The following OPCML variants were observed in gnomAD, a reference collection of about 807,000 sequenced individuals.
OPCML encodes the protein opioid binding protein/cell adhesion molecule like.
OPCML carries 13 observed loss-of-function variants against 37.8 expected under a neutral mutation model. The observed-to-expected ratio is 0.34, with a 90% CI of 0.22 to 0.55. OPCML has a LOEUF of 0.55. OPCML is among the 20% of genes least tolerant of loss of function. The pLI, the probability that OPCML is intolerant of heterozygous loss-of-function variation, is 0.91. For synonymous variants in OPCML, 176 were observed against 168.8 expected (o/e 1.04, Z -0.33); for missense variants, 341 against 435.6 (o/e 0.78, Z 1.93).
chr11:133,146,809 C>G (rs1949904447), intron 1 of OPCML, among the ~76,000 whole-genome samples: 1 of 152,198 alleles, frequency 6.6e-6, no homozygotes, highest in Admixed American at 6.5e-5. Flanking sequence ...GGAACTCCCC[C>G]CAGCACAGGC....
At chr11:132,645,599 G>A (rs1478333496) in intron 3 of OPCML, among the ~76,000 whole-genome samples, 7 of 152,114 alleles carry the variant, frequency 4.6e-5, no homozygotes, top group Admixed American at 4.6e-4. Context: ...GAGCAAGAGA[G>A]TTACATCCAC....
intron 1 of OPCML, among the ~76,000 whole-genome samples, chr11:133,078,474 G>T (rs1948656969): frequency 6.6e-6 from 1 of 152,166 alleles, no homozygotes; most frequent in South Asian, 2.1e-4. Flanking sequence ...TGTGTAAACC[G>T]GTGACAAAGA....
chr11:133,240,427 G>A (rs1037152926), intron 1 of OPCML, among the ~76,000 whole-genome samples: 5 of 152,076 alleles, frequency 3.3e-5, no homozygotes, highest in African/African-American at 9.6e-5. Flanking sequence ...CTTATCTATT[G>A]TTCACCGCAC....
chr11:132,447,549 A>G (rs1254930468), intron 4 of OPCML, among the ~76,000 whole-genome samples: 4 of 152,012 alleles, frequency 2.6e-5, no homozygotes, highest in African/African-American at 7.2e-5. Flanking sequence ...AGCTCAGTCA[A>G]TCCACCTGCC....
intron 2 of OPCML, among the ~76,000 whole-genome samples, chr11:132,813,713 T>A (rs1019301334): frequency 6.6e-6 from 1 of 152,168 alleles, no homozygotes; most frequent in Non-Finnish European, 1.5e-5. Flanking sequence ...CCCTCATCAT[T>A]GCCTCTGTAA....
At chr11:132,706,232 A>G (rs949916291) in intron 2 of OPCML, among the ~76,000 whole-genome samples, 1 of 152,214 alleles carries the variant, frequency 6.6e-6, no homozygotes. Flanking sequence ...GCTTGTGTTT[A>G]CAGGGACCTA....
chr11:132,575,477 T>C (rs1219094161), intron 3 of OPCML, among the ~76,000 whole-genome samples: 2 of 152,094 alleles, frequency 1.3e-5, no homozygotes, highest in East Asian at 3.8e-4. Context: ...AAGAGTCTAA[T>C]TTAAGCTGAT....
chr11:132,437,198 C>T (rs769687620), intron 5 of OPCML, 24 bp downstream of exon 5: 3 of 1,607,430 alleles, frequency 1.9e-6, no homozygotes, highest in Non-Finnish European at 2.6e-6. Context: ...TTCCCCAGAA[C>T]CCCCTGGCTG....
At chr11:132,632,902 T>A (rs1940242214) in intron 3 of OPCML, among the ~76,000 whole-genome samples, 1 of 151,220 alleles carries the variant, frequency 6.6e-6, no homozygotes, top group African/African-American at 2.4e-5. Context: ...TCAGCCTTTC[T>A]CGTACATCTA....
intron 2 of OPCML, among the ~76,000 whole-genome samples, chr11:132,863,921 T>A (rs1003981729): frequency 3.8e-4 from 57 of 149,002 alleles, no homozygotes; most frequent in Admixed American, 1.3e-3. Flanking sequence ...TGATTTTTTT[T>A]ATTCTATTTA....
At chr11:132,926,338 G>C (rs1344625516) in intron 2 of OPCML, among the ~76,000 whole-genome samples, 1 of 152,138 alleles carries the variant, frequency 6.6e-6, no homozygotes, top group Non-Finnish European at 1.5e-5. Flanking sequence ...CTCAGGCAAG[G>C]GGAGGCTGTG....
intron 1 of OPCML, among the ~76,000 whole-genome samples, chr11:133,516,439 C>A (rs1329671539): frequency 2.6e-5 from 4 of 152,208 alleles, no homozygotes; most frequent in Non-Finnish European, 5.9e-5. Context: ...ACCACCGCCG[C>A]CGGGGCTGGG....
intron 1 of OPCML, among the ~76,000 whole-genome samples, chr11:133,483,138 A>G (rs942964256): frequency 6.6e-5 from 10 of 152,180 alleles, no homozygotes; most frequent in Admixed American, 2.0e-4. Context: ...AATGCCTTAC[A>G]AATATATAAA....
intron 1 of OPCML, among the ~76,000 whole-genome samples, chr11:133,490,285 A>G (rs982709100): frequency 4.6e-5 from 7 of 152,240 alleles, no homozygotes; most frequent in African/African-American, 9.6e-5. Context: ...CGACCTACAT[A>G]TTAAAGATGA....
intron 1 of OPCML, among the ~76,000 whole-genome samples, chr11:133,135,448 T>G (rs1949675041): frequency 6.6e-6 from 1 of 151,846 alleles, no homozygotes. Flanking sequence ...AGGTTTTTTT[T>G]TTTTTTTTTT....
chr11:133,081,988 G>A (rs997081402), intron 1 of OPCML, among the ~76,000 whole-genome samples: 2 of 152,260 alleles, frequency 1.3e-5, no homozygotes. Flanking sequence ...GCCCCGGGAA[G>A]TTCTGTCCCT....
chr11:133,256,008 C>T (rs901997684), intron 1 of OPCML, among the ~76,000 whole-genome samples: 1 of 152,182 alleles, frequency 6.6e-6, no homozygotes, highest in Non-Finnish European at 1.5e-5. Context: ...CATTCACCTA[C>T]TATTTCGTTC....
At chr11:133,222,895 G>A (rs1340136682) in intron 1 of OPCML, among the ~76,000 whole-genome samples, 2 of 152,090 alleles carry the variant, frequency 1.3e-5, no homozygotes, top group African/African-American at 2.4e-5. Context: ...GAGCAGGCTG[G>A]GAAGCACTTG....
intron 2 of OPCML, among the ~76,000 whole-genome samples, chr11:132,823,264 C>T (rs1020439813): frequency 1.3e-5 from 2 of 152,174 alleles, no homozygotes; most frequent in Non-Finnish European, 2.9e-5. Context: ...CCTTCCTTCC[C>T]AGTAGAACCT....
Sources: allele counts gnomAD v4.1 joint callset (sites outside exome capture counted in the v4.1 genomes callset), GRCh38; gene constraint gnomAD v4.1.1; transcripts MANE v1.5; gene names NCBI Gene and HGNC (gene_info 2026-07-23, HGNC 2026-07-21).